PIP5K1C: variants seen among roughly 807,000 people sequenced by gnomAD.
PIP5K1C encodes the protein phosphatidylinositol-4-phosphate 5-kinase type 1 gamma.
Under a neutral mutation model 80.1 loss-of-function variants are expected in PIP5K1C, and 45 were observed. The ratio of observed to expected loss-of-function variants is 0.56; its 90% CI spans 0.44 to 0.72. The LOEUF is 0.72. Among genes scored for constraint, PIP5K1C ranks in the 30% least tolerant of loss-of-function variants. The pLI is 0.00. For synonymous variants in PIP5K1C, 498 were observed against 420.1 expected, an observed-to-expected ratio of 1.19 and a Z score of -2.27; for missense variants, 753 against 954.6, an observed-to-expected ratio of 0.79 and a Z score of 2.78.
At chr19:3,647,219 G>C in intron 10 of PIP5K1C, 119 bp downstream of exon 10, 3 of 861,306 alleles carry the variant, frequency 3.5e-6, no homozygotes, top group Non-Finnish European at 3.7e-6. Flanking sequence ...AGGGATGGGA[G>C]GAGGGATGGG....
At chr19:3,687,977 A>G (rs1411709482) in intron 1 of PIP5K1C, among the ~76,000 whole-genome samples, 1 of 152,158 alleles carries the variant, frequency 6.6e-6, no homozygotes, top group Admixed American at 6.5e-5. Flanking sequence ...CTCAGCACCA[A>G]GCTCCCGGGC....
chr19:3,683,411 C>T (rs1168874245), intron 1 of PIP5K1C, among the ~76,000 whole-genome samples: 2 of 152,188 alleles, frequency 1.3e-5, no homozygotes, highest in African/African-American at 4.8e-5. Context: ...AACCACTGAG[C>T]CACCCTGGAA....
Position 3,651,830 on chromosome 19 carries a change from C to A in PIP5K1C, c.1123G>T (p.Asp375Tyr). The A allele has an allele frequency of 6.2e-7, 1 of 1,611,418 alleles. No homozygotes were observed. The highest frequency in any genetic ancestry group is 8.5e-7 in the Non-Finnish European group (1 of 1,179,684). ...AARGEAIESD[D>Y]TMGGIPAVNG... ...GGCGGCCCCCCGCCCACCTACGTGTCATCCGATTCGATGGCCTCCCCGCGC... is the reference window on the plus strand; with the variant it reads ...GGCGGCCCCCCGCCCACCTACGTGTAATCCGATTCGATGGCCTCCCCGCGC... Residue 375 changes from aspartate (D) to tyrosine (Y), a missense_variant, in exon 8 of 18, where the codon GAC becomes TAC. By Grantham distance (160) the Asp-to-Tyr change is radical. Around this residue, in one of 6 missense-constraint regions of PIP5K1C, gnomAD observed 114 missense variants for 152.4 expected, o/e 0.75. Coordinates refer to ENST00000335312, the MANE Select transcript of PIP5K1C (RefSeq NM_012398.3).
At chr19:3,693,939 G>A (rs935091483) in intron 1 of PIP5K1C, among the ~76,000 whole-genome samples, 10 of 151,288 alleles carry the variant, frequency 6.6e-5, no homozygotes, top group African/African-American at 2.2e-4. Flanking sequence ...GAGGCTGGGC[G>A]CGGTGGCTCA....
At chr19:3,684,993 C>T (rs1013813253) in intron 1 of PIP5K1C, among the ~76,000 whole-genome samples, 5 of 152,176 alleles carry the variant, frequency 3.3e-5, no homozygotes, top group Admixed American at 6.5e-5. Flanking sequence ...CCTTTGGTGC[C>T]GTCTGAAATA....
In PIP5K1C at chr19:3,683,229, G is replaced by A. The variant is rs867053071; in HGVS notation, c.95-15876C>T. Reference sequence around the variant, plus strand: ...GGCAGCGACTTCATCTTTCCCCTCTGCAACAGTGCAGACAGCACGAGCCTG... The same window carrying A: ...GGCAGCGACTTCATCTTTCCCCTCTACAACAGTGCAGACAGCACGAGCCTG... On this transcript the variant is annotated intron_variant, in intron 1 of 17. Transcript: ENST00000335312. 3.9e-5 allele frequency among the ~76,000 whole-genome samples: 6 copies of A among 152,180 alleles called. No individual in the cohort carries two copies. In the East Asian group the frequency reaches 9.6e-4, roughly 24 times the overall value.
intron 7 of PIP5K1C, 43 bp downstream of exon 7, chr19:3,653,247 C>A: frequency 6.3e-7 from 1 of 1,586,458 alleles, no homozygotes; most frequent in South Asian, 1.1e-5. Context: ...ACCACGCAGT[C>A]CCACCTGCCA....
chr19:3,659,447 G>A (rs1419520469), intron 5 of PIP5K1C, among the ~76,000 whole-genome samples: 2 of 152,222 alleles, frequency 1.3e-5, no homozygotes, highest in African/African-American at 4.8e-5. Context: ...CCCCAGATCG[G>A]CTTTTATCCG....
chr19:3,683,169 A>G (rs1324103026), intron 1 of PIP5K1C, among the ~76,000 whole-genome samples: 1 of 152,050 alleles, frequency 6.6e-6, no homozygotes, highest in Non-Finnish European at 1.5e-5. Flanking sequence ...TGGATCCTCC[A>G]CATTTGTTCC....
chr19:3,646,065 G>A lies in PIP5K1C; in HGVS notation c.1261-7C>T, dbSNP rs2034200216. 1 of 1,601,682 alleles carries A rather than the reference G, an allele frequency of 6.2e-7. No homozygotes were observed. Among genetic ancestry groups the A allele is most frequent in the Non-Finnish European group, 8.5e-7 (1 of 1,169,896 alleles). ...GGTGGACGGACACCGTGTCCTGGAAGAGAGTTGGGGGGGGTGCCCGGGGGC... is the reference window on the plus strand; with the variant it reads ...GGTGGACGGACACCGTGTCCTGGAAAAGAGTTGGGGGGGGTGCCCGGGGGC... On this transcript the variant is annotated splice_polypyrimidine_tract_variant and splice_region_variant and intron_variant, in intron 10 of 17. Coordinates refer to ENST00000335312, the MANE Select transcript of PIP5K1C (RefSeq NM_012398.3).
chr19:3,637,970 A>G lies in PIP5K1C; in HGVS notation c.1920+914T>C, dbSNP rs2033776370. The G allele has an allele frequency of 1.1e-5, 17 of 1,532,400 alleles. No homozygotes were observed. Among genetic ancestry groups the G allele is most frequent in the Non-Finnish European group, 1.4e-5 (16 of 1,145,386 alleles). The allele number at this position is 1,532,400 out of a possible 1,614,324, so 94.9% of individuals were successfully genotyped here. ...CACGCGGCCCGTCCCTCCCTTCTCC[A>G]GGGCCAGGTGGGTGCATGGGGACCC... On this transcript the variant is annotated intron_variant, in intron 16 of 17. Coordinates refer to ENST00000335312, the MANE Select transcript of PIP5K1C (RefSeq NM_012398.3). This position sits in a 1 kb window ranked among gnomAD's most constrained non-coding sequence, Gnocchi z 7.0.
chr19:3,643,447 CCTGAGGCTTGG>C, intron 12 of PIP5K1C, 66 bp from the exon 13 acceptor site: 1 of 1,596,834 alleles, frequency 6.3e-7, no homozygotes, highest in Non-Finnish European at 8.5e-7. Context: ...GTCGATTCTC[CCTGAGGCTTGG>C]CTCACCCTGG....
At chr19:3,635,538 A>T (rs777732204) in intron 16 of PIP5K1C, among the ~76,000 whole-genome samples, 1 of 152,106 alleles carries the variant, frequency 6.6e-6, no homozygotes, top group Non-Finnish European at 1.5e-5. Flanking sequence ...ACAAAAAATT[A>T]TTGGGGCATG....
chr19:3,648,866 C>T lies in PIP5K1C; in HGVS notation c.1128-158G>A, dbSNP rs2034344955. On this transcript the variant is annotated intron_variant, in intron 8 of 17. Coordinates refer to ENST00000335312, the MANE Select transcript of PIP5K1C (RefSeq NM_012398.3). The surrounding 1 kb of genome is among the most constrained non-coding windows in gnomAD (Gnocchi z 4.3). ...GGCCTGGCACCCGGGAACCTCTGTC[C>T]TGACATCCCTCCATCACCCCCAGCC... is the stretch of plus-strand genomic sequence containing the variant. Among the ~76,000 whole-genome samples, 1 of 152,102 alleles carries T rather than the reference C, an allele frequency of 6.6e-6. No individual in the cohort carries two copies. Among genetic ancestry groups the T allele is most frequent in the Admixed American group, 6.5e-5 (1 of 15,276 alleles).
intron 1 of PIP5K1C, among the ~76,000 whole-genome samples, chr19:3,672,836 T>C (rs2035252026): frequency 6.6e-6 from 1 of 151,846 alleles, no homozygotes; most frequent in Middle Eastern, 3.2e-3. Context: ...CTCATCCCTG[T>C]AGAACCAAGG....
At chr19:3,672,589 AG>A (rs2035242722) in intron 1 of PIP5K1C, 1 of 152,630 alleles carries the variant, frequency 6.6e-6, no homozygotes, top group Non-Finnish European at 1.5e-5. Context: ...GCAGATTGTC[AG>A]GCTGGCTCTG....
intron 16 of PIP5K1C, chr19:3,636,816 G>C: frequency 1.0e-6 from 1 of 987,832 alleles, no homozygotes; most frequent in Non-Finnish European, 1.2e-6. Context: ...TCTGCGCCCC[G>C]TTCTGGCTGT....
At chr19:3,689,136 C>T (rs2035867709) in intron 1 of PIP5K1C, among the ~76,000 whole-genome samples, 3 of 152,144 alleles carry the variant, frequency 2.0e-5, no homozygotes, top group African/African-American at 4.8e-5. Flanking sequence ...AGTTATTCTC[C>T]CACCTCAGCC....
Position 3,658,916 on chromosome 19 carries a change from C to G in PIP5K1C, c.468+2050G>C, listed in dbSNP as rs142551276. The stretch of plus-strand genomic sequence containing the variant: ...CAGTGCCAGGACAACCCCCCACAGC[C>G]TCCTTCGTCGGTGCTGGGGCTCTCG... On this transcript the variant is annotated intron_variant, in intron 5 of 17. Transcript: ENST00000335312. Among the ~76,000 whole-genome samples the G allele has an allele frequency of 2.2e-4, 34 of 152,296 alleles. No homozygotes were observed. In the East Asian group the frequency reaches 6.0e-3, roughly 27 times the overall value.
Sources: gnomAD v4.1 joint callset for allele counts (sites outside exome capture counted in the v4.1 genomes callset) on GRCh38, gnomAD v4.1.1 for gene constraint, gnomAD v4.1.1 regional missense constraint, Gnocchi (gnomAD v3.1) non-coding constraint, MANE v1.5 for transcripts, NCBI Gene and HGNC (gene_info 2026-07-23, HGNC 2026-07-21) for gene names.